DOK5: variants seen among roughly 807,000 people sequenced by gnomAD.
DOK5 encodes docking protein 5.
Under a neutral mutation model 43.3 loss-of-function variants are expected in DOK5, and 27 were observed. That is an observed-to-expected ratio of 0.62 (90% CI 0.46 to 0.86). DOK5 has a LOEUF of 0.86. Ranked by LOEUF, DOK5 falls within the 40% of genes least tolerant of loss-of-function variation. The probability of loss-of-function intolerance (pLI) is 0.00; values close to 1 mark genes in which losing one functional copy is unlikely to be tolerated. For synonymous variants in DOK5, 146 were observed against 140.1 expected (o/e 1.04, Z -0.30); for missense variants, 373 against 392.9 (o/e 0.95, Z 0.43).
intron 1 of DOK5, among the ~76,000 whole-genome samples, chr20:54,497,721 A>G (rs748406939): frequency 7.9e-5 from 12 of 152,250 alleles, no homozygotes; most frequent in East Asian, 1.9e-4. Flanking sequence ...AAAGACTTCT[A>G]ATAGTAACTA....
chr20:54,499,399 G>A (rs373690067), intron 1 of DOK5, among the ~76,000 whole-genome samples: 7 of 152,168 alleles, frequency 4.6e-5, no homozygotes, highest in African/African-American at 7.2e-5. Context: ...TTGTGGTACC[G>A]GTGTCCATGC....
At chr20:54,624,507 G>A (rs1672167492) in intron 6 of DOK5, among the ~76,000 whole-genome samples, 1 of 152,118 alleles carries the variant, frequency 6.6e-6, no homozygotes, top group Non-Finnish European at 1.5e-5. Context: ...GTTATTGTGT[G>A]AGCCAAGAGA....
At chr20:54,622,488 T>C (rs1187856912) in intron 6 of DOK5, among the ~76,000 whole-genome samples, 1 of 152,228 alleles carries the variant, frequency 6.6e-6, no homozygotes, top group Admixed American at 6.5e-5. Flanking sequence ...TGCCTTAGCT[T>C]ACACAGCTCC....
chr20:54,642,303 T>C (rs1354722140), intron 6 of DOK5, among the ~76,000 whole-genome samples: 1 of 152,148 alleles, frequency 6.6e-6, no homozygotes, highest in Admixed American at 6.5e-5. Context: ...TTTCATCTTT[T>C]TTCCTCCCTC....
chr20:54,593,507 T>A (rs1986043416), intron 5 of DOK5, among the ~76,000 whole-genome samples: 2 of 152,204 alleles, frequency 1.3e-5, no homozygotes, highest in Non-Finnish European at 2.9e-5. Flanking sequence ...TCTTATTTTG[T>A]GAGAATTACT....
chr20:54,642,184 T>C (rs536668780), intron 6 of DOK5, among the ~76,000 whole-genome samples: 4 of 152,210 alleles, frequency 2.6e-5, no homozygotes, highest in Non-Finnish European at 4.4e-5. Context: ...GAAACTTTCC[T>C]TCTTTTGTAT....
chr20:54,608,386 T>G (rs1406354951), intron 5 of DOK5, among the ~76,000 whole-genome samples: 1 of 152,174 alleles, frequency 6.6e-6, no homozygotes, highest in African/African-American at 2.4e-5. Flanking sequence ...GGAATAAAGA[T>G]GTATGAAAAA....
intron 5 of DOK5, among the ~76,000 whole-genome samples, chr20:54,594,672 T>A (rs962184911): frequency 1.3e-5 from 2 of 152,194 alleles, no homozygotes; most frequent in African/African-American, 4.8e-5. Context: ...ATTAATATTT[T>A]AAAATCTTTT....
intron 6 of DOK5, among the ~76,000 whole-genome samples, chr20:54,612,590 G>A (rs1332543258): frequency 6.6e-6 from 1 of 152,198 alleles, no homozygotes; most frequent in Non-Finnish European, 1.5e-5. Context: ...GAGGGTAAGA[G>A]AGAATTAGCT....
At chr20:54,517,522 C>A (rs995647288) in intron 1 of DOK5, among the ~76,000 whole-genome samples, 1 of 152,068 alleles carries the variant, frequency 6.6e-6, no homozygotes, top group African/African-American at 2.4e-5. Flanking sequence ...TTTAATATTT[C>A]TCTGTTAGTT....
chr20:54,574,734 G>A (rs995952988), intron 2 of DOK5, among the ~76,000 whole-genome samples: 1 of 152,156 alleles, frequency 6.6e-6, no homozygotes, highest in Admixed American at 6.6e-5. Flanking sequence ...TCATAGACAT[G>A]TGGGCTTAGG....
At chr20:54,621,429 C>T (rs6023419) in intron 6 of DOK5, among the ~76,000 whole-genome samples, 5,329 of 152,234 alleles carry the variant, frequency 0.035, 333 homozygotes, top group African/African-American at 0.12. Flanking sequence ...CGGTGGCTCA[C>T]GCCTGTAATC....
intron 5 of DOK5, among the ~76,000 whole-genome samples, chr20:54,604,304 T>G (rs1249031078): frequency 6.8e-6 from 1 of 146,646 alleles, no homozygotes; most frequent in Non-Finnish European, 1.5e-5. Context: ...ATTCTGTGCT[T>G]TTTTTTTTTT....
Position 54,475,981 on chromosome 20 carries a change from G to A in DOK5, c.35G>A (p.Gly12Glu). 2 of 1,613,522 alleles carry A rather than the reference G, an allele frequency of 1.2e-6. No individual in the cohort carries two copies. The highest frequency in any genetic ancestry group is 2.2e-5 in the South Asian group (2 of 90,766). Residue 12 changes from glycine (G) to glutamate (E), a missense_variant, in exon 1 of 8, where the codon GGG becomes GAG. Coordinates refer to ENST00000262593, the MANE Select transcript of DOK5 (RefSeq NM_018431.5). The surrounding 1 kb of genome is among the most constrained non-coding windows in gnomAD (Gnocchi z 4.2). ...AATTTTAATGACATAGTGAAGCAAG[G>A]GTACGTGAGGATCCGGAGCAGACGC... Reference protein sequence around the residue: ...ASNFNDIVKQGYVRIRSRRLG... With the variant: ...ASNFNDIVKQEYVRIRSRRLG...
chr20:54,587,234 C>A (rs55960128), intron 2 of DOK5, among the ~76,000 whole-genome samples: 9,660 of 152,082 alleles, frequency 0.064, 338 homozygotes, highest in Middle Eastern at 0.099. Context: ...TCGGTTTGGG[C>A]ACTTTTTGAG....
intron 2 of DOK5, among the ~76,000 whole-genome samples, chr20:54,568,803 G>T (rs1308310335): frequency 6.6e-6 from 1 of 151,794 alleles, no homozygotes; most frequent in East Asian, 1.9e-4. Flanking sequence ...GGTGGCGGGC[G>T]CCTGTAGTCC....
At chr20:54,569,021 C>T (rs533917019) in intron 2 of DOK5, among the ~76,000 whole-genome samples, 92 of 150,000 alleles carry the variant, frequency 6.1e-4, no homozygotes, top group African/African-American at 2.1e-3. Flanking sequence ...ATGTTGGACC[C>T]TAGTCCCTGC....
At chr20:54,595,331 C>T (rs1483149211) in intron 5 of DOK5, among the ~76,000 whole-genome samples, 3 of 151,834 alleles carry the variant, frequency 2.0e-5, no homozygotes, top group South Asian at 2.1e-4. Context: ...CACAGCGAGA[C>T]TCCATTTAAA....
intron 6 of DOK5, among the ~76,000 whole-genome samples, chr20:54,637,860 C>T (rs112958693): frequency 0.13 from 20,247 of 152,184 alleles, 3,627 homozygotes; most frequent in African/African-American, 0.41. Context: ...CGGTGGCTCA[C>T]GCCTGTAATC....
Sources: allele counts gnomAD v4.1 joint callset (sites outside exome capture counted in the v4.1 genomes callset), GRCh38; gene constraint gnomAD v4.1.1; non-coding constraint Gnocchi (gnomAD v3.1); transcripts MANE v1.5; gene names NCBI Gene and HGNC (gene_info 2026-07-23, HGNC 2026-07-21).